The following MIER3 variants were observed in gnomAD, a reference collection of about 807,000 sequenced individuals.
MIER3 encodes MIER family member 3.
MIER3 carries 9 observed loss-of-function variants against 63.2 expected under a neutral mutation model. The ratio of observed to expected loss-of-function variants is 0.14; its 90% CI spans 0.09 to 0.25. MIER3 has a LOEUF of 0.25. Ranked by LOEUF, MIER3 falls within the 10% of genes least tolerant of loss-of-function variation. The probability of loss-of-function intolerance (pLI) is 1.00; values close to 1 mark genes in which losing one functional copy is unlikely to be tolerated. For missense variants in MIER3, 512 were observed against 666.2 expected, an observed-to-expected ratio of 0.77 and a Z score of 2.55; for synonymous variants, 205 against 224.9, an observed-to-expected ratio of 0.91 and a Z score of 0.79.
Position 56,920,837 on chromosome 5 carries a change from G to A in MIER3, c.*2291C>T, listed in dbSNP as rs918810774. 3 of 152,402 alleles carry A rather than the reference G, an allele frequency of 2.0e-5. No individual in the cohort carries two copies. The highest frequency in any genetic ancestry group is 4.4e-5 in the Non-Finnish European group (3 of 67,920). 9.4% of individuals were successfully genotyped at this position (152,402 alleles called of 1,614,324 possible). ...ATATACAAAAATCTTGCAAATTATTGCCTCATTTTAACAAGGAATTAAAAG... is the reference window on the plus strand; with the variant it reads ...ATATACAAAAATCTTGCAAATTATTACCTCATTTTAACAAGGAATTAAAAG... On this transcript the variant is annotated 3_prime_UTR_variant, in exon 13 of 13. Transcript: ENST00000381199.
In MIER3 at chr5:56,947,022, C is replaced by A; in HGVS notation, c.84G>T (p.Met28Ile). The A allele has an allele frequency of 6.2e-7, 1 of 1,610,576 alleles. No homozygotes were observed. Among genetic ancestry groups the A allele is most frequent in the East Asian group, 2.2e-5 (1 of 44,566 alleles). Residue 28 changes from methionine (M) to isoleucine (I), a missense_variant, in exon 3 of 13, where the codon ATG (methionine) becomes ATT (isoleucine). Coordinates refer to ENST00000381199, the MANE Select transcript of MIER3 (RefSeq NM_001297599.2). The part of the protein sequence containing the change: ...EDHDFDPTAE[M>I]LVHDYDDERT... ...TTTCATCATCATAGTCATGGACCAACATCTCAGCAGTGGGGTCAAAATCAT... is the reference window on the plus strand; with the variant it reads ...TTTCATCATCATAGTCATGGACCAAAATCTCAGCAGTGGGGTCAAAATCAT...
chr5:56,939,296 G>T (rs561014596), intron 3 of MIER3, among the ~76,000 whole-genome samples: 3 of 152,178 alleles, frequency 2.0e-5, no homozygotes, highest in African/African-American at 7.2e-5. Context: ...TTGCTTTAGT[G>T]CCTTTTTTTT....
intron 8 of MIER3, 114 bp from the exon 9 acceptor site, chr5:56,930,859 C>G: frequency 1.2e-6 from 1 of 821,888 alleles, no homozygotes; most frequent in South Asian, 1.5e-5. Context: ...GAAATCCTCT[C>G]TAATTTCAGG....
chr5:56,949,814 T>C (rs1278500584), intron 2 of MIER3, among the ~76,000 whole-genome samples: 1 of 152,196 alleles, frequency 6.6e-6, no homozygotes, highest in East Asian at 1.9e-4. Flanking sequence ...GAGGTGCTTT[T>C]CCTGTAGACT....
intron 1 of MIER3, among the ~76,000 whole-genome samples, chr5:56,951,642 C>G (rs1052598536): frequency 6.6e-6 from 1 of 152,082 alleles, no homozygotes; most frequent in African/African-American, 2.4e-5. Context: ...GGGCACAGCG[C>G]ACGACTCCCG....
intron 5 of MIER3, among the ~76,000 whole-genome samples, chr5:56,936,590 G>A (rs1272598872): frequency 6.6e-6 from 1 of 151,986 alleles, no homozygotes; most frequent in African/African-American, 2.4e-5. Context: ...GGCTCCCTGT[G>A]ACCTCAAAGT....
At chr5:56,924,865 T>C (rs755426465) in intron 10 of MIER3, among the ~76,000 whole-genome samples, 2 of 152,196 alleles carry the variant, frequency 1.3e-5, no homozygotes, top group Admixed American at 6.6e-5. Flanking sequence ...CCTGAGTAAG[T>C]TGTGATATAA....
chr5:56,934,253 A>G (rs1383121616), intron 7 of MIER3, among the ~76,000 whole-genome samples: 2 of 152,282 alleles, frequency 1.3e-5, no homozygotes, highest in Admixed American at 6.5e-5. Flanking sequence ...CAACTGTAGG[A>G]GGCAGGCATT....
At chr5:56,935,641 A>T (rs768247927) in intron 6 of MIER3, 25 bp downstream of exon 6, 2 of 1,588,640 alleles carry the variant, frequency 1.3e-6, no homozygotes, top group Admixed American at 1.8e-5. Context: ...AAGCCAATTT[A>T]GTCCACTATA....
intron 6 of MIER3, 59 bp from the exon 7 acceptor site, chr5:56,935,559 C>G (rs1448233191): frequency 1.3e-6 from 2 of 1,489,212 alleles, no homozygotes; most frequent in Non-Finnish European, 1.8e-6. Flanking sequence ...GAAAAAAAGC[C>G]CCATATCATT....
At chr5:56,941,186 T>A (rs1489723463) in intron 3 of MIER3, 1 of 976,004 alleles carries the variant, frequency 1.0e-6, no homozygotes, top group Non-Finnish European at 1.2e-6. Flanking sequence ...GATGTAAGGA[T>A]GAGTTAGCCA....
At chr5:56,946,119 G>C (rs1419841619) in intron 3 of MIER3, among the ~76,000 whole-genome samples, 2 of 152,108 alleles carry the variant, frequency 1.3e-5, no homozygotes, top group Non-Finnish European at 2.9e-5. Context: ...CTCCACTCCT[G>C]CCTCACAAAG....
chr5:56,938,033 A>G (rs1750513062), intron 4 of MIER3, among the ~76,000 whole-genome samples: 1 of 152,074 alleles, frequency 6.6e-6, no homozygotes, highest in African/African-American at 2.4e-5. Flanking sequence ...AATTATATTC[A>G]TTTTCTGTCA....
At chr5:56,937,060 T>C (rs1045424488) in intron 5 of MIER3, 20 of 152,062 alleles carry the variant, frequency 1.3e-4, no homozygotes, top group Admixed American at 3.9e-4. Context: ...AATATTTCCA[T>C]TTTTATTTTA....
chr5:56,950,508 T>A, intron 2 of MIER3, 120 bp downstream of exon 2: 1 of 1,096,240 alleles, frequency 9.1e-7, no homozygotes, highest in Non-Finnish European at 1.3e-6. Flanking sequence ...ACTGAAACTC[T>A]TAAAAATCAA....
chr5:56,938,935 T>C lies in MIER3; in HGVS notation c.263A>G (p.Asn88Ser), dbSNP rs749063626. 27 of 1,614,056 alleles carry C rather than the reference T, an allele frequency of 1.7e-5. No homozygotes were observed. The South Asian group carries it at 2.3e-4, about 14-fold the overall frequency. The stretch of plus-strand genomic sequence containing the variant: ...ATCTGCCAGTTCACTTGGGGAACTA[T>C]TTGCACTGGAATTTGCAACTGCTGG... ...TIPAVANSSA[N>S]SSPSELADEL... is the part of the protein sequence containing the mutation. The change falls in exon 4 of 13, where the codon AAT (asparagine) becomes AGT (serine). Residue 88 changes from asparagine to serine, a missense_variant. Asn to Ser is a conservative substitution (Grantham distance 46). Coordinates refer to ENST00000381199, the MANE Select transcript of MIER3 (RefSeq NM_001297599.2).
At chr5:56,928,073 G>A (rs987988763) in intron 10 of MIER3, 1 of 152,078 alleles carries the variant, frequency 6.6e-6, no homozygotes, top group Non-Finnish European at 1.5e-5. Context: ...CTGAATAATA[G>A]TCCAGTTCTG....
At chr5:56,944,468 G>A (rs1452048928) in intron 3 of MIER3, among the ~76,000 whole-genome samples, 2 of 151,126 alleles carry the variant, frequency 1.3e-5, no homozygotes, top group African/African-American at 4.9e-5. Context: ...GCGACAGAGC[G>A]AGACTCCGTC....
intron 2 of MIER3, among the ~76,000 whole-genome samples, chr5:56,948,430 G>A (rs1439855937): frequency 2.6e-5 from 4 of 152,126 alleles, no homozygotes; most frequent in Non-Finnish European, 5.9e-5. Context: ...TTGGGAGGCC[G>A]AAGTGGGGGG....
Sources: gnomAD v4.1 joint callset for allele counts (sites outside exome capture counted in the v4.1 genomes callset) on GRCh38, gnomAD v4.1.1 for gene constraint, MANE v1.5 for transcripts, NCBI Gene and HGNC (gene_info 2026-07-23, HGNC 2026-07-21) for gene names.